Variants in TCF4 observed in about 807,000 individuals in gnomAD.
TCF4 encodes transcription factor 4.
TCF4 carries 3 observed loss-of-function variants against 82.1 expected under a neutral mutation model. That is an observed-to-expected ratio of 0.04 (90% CI 0.02 to 0.09). The LOEUF is 0.09. Ranked by LOEUF, TCF4 falls within the 10% of genes least tolerant of loss-of-function variation. The pLI, the probability that TCF4 is intolerant of heterozygous loss-of-function variation, is 1.00. For missense variants in TCF4, 518 were observed against 852.7 expected (o/e 0.61, Z 4.89); for synonymous variants, 276 against 309.6 (o/e 0.89, Z 1.14).
intron 3 of TCF4, among the ~76,000 whole-genome samples, chr18:55,496,896 C>CAAAAAAAAA (rs60244407): frequency 1.8e-5 from 2 of 108,710 alleles, no homozygotes; most frequent in Non-Finnish European, 3.8e-5. Flanking sequence ...TGTAAAATTA[C>CAAAAAAAAA]AAAAAAAAAA....
chr18:55,441,366 T>C (rs1021034801), intron 5 of TCF4, among the ~76,000 whole-genome samples: 1 of 152,260 alleles, frequency 6.6e-6, no homozygotes, highest in East Asian at 1.9e-4. Context: ...TTGTACATAA[T>C]GATAAATAGT....
At position 55,575,561 on chromosome 18, in the gene TCF4, T is replaced by C. The variant is rs544191495; in HGVS notation, c.145+9719A>G. 5.9e-5 allele frequency among the ~76,000 whole-genome samples: 9 copies of C among 152,154 alleles called. No homozygotes were observed. In the East Asian group the frequency reaches 1.2e-3, roughly 20 times the overall value. The stretch of plus-strand genomic sequence containing the variant: ...AAATCTTTTACATGAGTCTAGAATA[T>C]CCTCTTTGTCATAAATTTTTTTTTT... On this transcript the variant is annotated intron_variant, in intron 3 of 19. Transcript: ENST00000354452.
chr18:55,418,002 AAT>A (rs1491480708), intron 5 of TCF4, among the ~76,000 whole-genome samples: 3 of 113,128 alleles, frequency 2.7e-5, no homozygotes, highest in Non-Finnish European at 5.3e-5. Context: ...TTCTTGAGCA[AAT>A]GTGTGTGTGT....
chr18:55,437,859 G>A (rs2095361572), intron 5 of TCF4, among the ~76,000 whole-genome samples: 1 of 152,204 alleles, frequency 6.6e-6, no homozygotes, highest in Non-Finnish European at 1.5e-5. Flanking sequence ...ATATATGTCA[G>A]ATATATAAGG....
At chr18:55,499,400 C>T (rs145667202) in intron 3 of TCF4, among the ~76,000 whole-genome samples, 3 of 152,242 alleles carry the variant, frequency 2.0e-5, no homozygotes, top group East Asian at 3.9e-4. Flanking sequence ...AGAGGCAATA[C>T]GTTTAAGCTC....
At chr18:55,333,419 C>T (rs2147808570) in intron 8 of TCF4, among the ~76,000 whole-genome samples, 1 of 151,742 alleles carries the variant, frequency 6.6e-6, no homozygotes, top group Admixed American at 6.6e-5. Flanking sequence ...GATATTTTAT[C>T]TCTATTGTCT....
chr18:55,385,784 C>T (rs1414681149), intron 6 of TCF4, among the ~76,000 whole-genome samples: 2 of 152,112 alleles, frequency 1.3e-5, no homozygotes, highest in East Asian at 1.9e-4. Context: ...TCATCTTTTG[C>T]GAGTCAATGA....
At chr18:55,343,285 A>G (rs993639388) in intron 8 of TCF4, among the ~76,000 whole-genome samples, 2 of 152,178 alleles carry the variant, frequency 1.3e-5, no homozygotes, top group Non-Finnish European at 2.9e-5. Flanking sequence ...ACAGTTTGCT[A>G]TGAAGAGAGC....
intron 17 of TCF4, chr18:55,229,415 C>T (rs1296028874): frequency 5.8e-6 from 2 of 345,500 alleles, no homozygotes; most frequent in African/African-American, 2.1e-5. Context: ...CTCTGCAAAG[C>T]AGGCATTCAC....
At chr18:55,321,781 T>C (rs564383952) in intron 8 of TCF4, 4 of 1,512,426 alleles carry the variant, frequency 2.6e-6, no homozygotes, top group Non-Finnish European at 3.5e-6. Context: ...TCTAACAACT[T>C]TTATTTCAAA....
At chr18:55,612,102 C>T (rs1297620211) in intron 2 of TCF4, among the ~76,000 whole-genome samples, 2 of 152,180 alleles carry the variant, frequency 1.3e-5, no homozygotes, top group Admixed American at 6.5e-5. Flanking sequence ...CTATTTACAT[C>T]TTCAGAAACT....
In TCF4 at chr18:55,609,195, T is replaced by C. The variant is rs574492516; in HGVS notation, c.287-22059A>G. On this transcript the variant is annotated intron_variant, in intron 2 of 20. Transcript: ENST00000398339. ...TGTTTGTCGTTTAAGCCAACTGTTC[T>C]GTAGACATTTGTTACAGCAGCCCAA... Among the ~76,000 whole-genome samples, 6 of 152,304 alleles carry C rather than the reference T, an allele frequency of 3.9e-5. No homozygotes were observed. In the East Asian group the frequency reaches 1.2e-3, roughly 29 times the overall value.
At chr18:55,278,027 A>G (rs1002099410) in intron 9 of TCF4, among the ~76,000 whole-genome samples, 2 of 152,186 alleles carry the variant, frequency 1.3e-5, no homozygotes, top group African/African-American at 4.8e-5. Flanking sequence ...GACTTCTGAC[A>G]CACGGGCTCT....
At chr18:55,422,097 G>GCA in intron 5 of TCF4, 13 of 552,902 alleles carry the variant, frequency 2.4e-5, no homozygotes, top group Non-Finnish European at 2.4e-5. Context: ...AAAAGAAAAA[G>GCA]CACAAAAAAA....
At chr18:55,428,626 G>C (rs914185290) in intron 5 of TCF4, among the ~76,000 whole-genome samples, 2 of 152,168 alleles carry the variant, frequency 1.3e-5, no homozygotes, top group South Asian at 2.1e-4. Flanking sequence ...CTATTTCTTA[G>C]CTTCTCTGCT....
At chr18:55,577,228 T>G (rs2097538489) in intron 3 of TCF4, among the ~76,000 whole-genome samples, 1 of 145,910 alleles carries the variant, frequency 6.9e-6, no homozygotes, top group Admixed American at 6.9e-5. Flanking sequence ...ATATATACGT[T>G]TATATATTTA....
chr18:55,301,695 T>A (rs1228682337), intron 8 of TCF4, among the ~76,000 whole-genome samples: 1 of 141,962 alleles, frequency 7.0e-6, no homozygotes, highest in Non-Finnish European at 1.5e-5. Context: ...CTTTAAATTA[T>A]AAAAGGGCCA....
At position 55,464,100 on chromosome 18, in the gene TCF4, A is replaced by G; in HGVS notation, c.183T>C (p.Asn61=). The change falls in exon 4 of 20, where the codon AAT becomes AAC. Residue 61 remains asparagine, a synonymous_variant. Coordinates refer to ENST00000354452, the MANE Select transcript of TCF4 (RefSeq NM_001083962.2). ...CCCTGGACGGGCTTGGATGTCCTCC[A>G]TTCCCCCAGGACCCTGAGCTACTTC... The part of the protein sequence containing the change: ...EDRSSSGSWG[N]GGHPSPSRNY... 1 of 1,614,008 alleles carries G rather than the reference A, an allele frequency of 6.2e-7. No homozygotes were observed. Among genetic ancestry groups the G allele is most frequent in the Non-Finnish European group, 8.5e-7 (1 of 1,179,908 alleles).
intron 3 of TCF4, among the ~76,000 whole-genome samples, chr18:55,479,776 C>T (rs1409837789): frequency 3.3e-5 from 5 of 152,174 alleles, no homozygotes; most frequent in Non-Finnish European, 5.9e-5. Context: ...TGTTAAGCTA[C>T]TGAAGTTTGG....
Sources: allele counts gnomAD v4.1 joint callset (sites outside exome capture counted in the v4.1 genomes callset), GRCh38; gene constraint gnomAD v4.1.1; transcripts MANE v1.5; gene names NCBI Gene and HGNC (gene_info 2026-07-23, HGNC 2026-07-21).